AGMO: variants seen among roughly 807,000 people sequenced by gnomAD.
AGMO encodes alkylglycerol monooxygenase, also known as glyceryl-ether monooxygenase.
In AGMO, 75 loss-of-function variants were observed where a neutral mutation model predicts 60.2. That is an observed-to-expected ratio of 1.25 (90% CI 1.03 to 1.51). AGMO has a LOEUF of 1.51. AGMO is among the 40% of genes most tolerant of loss of function. The pLI is 0.00. For synonymous variants in AGMO, 261 were observed against 177.1 expected, an observed-to-expected ratio of 1.47 and a Z score of -3.76; for missense variants, 763 against 525.5, an observed-to-expected ratio of 1.45 and a Z score of -4.42.
At chr7:15,259,722 C>T (rs901492871) in intron 12 of AGMO, among the ~76,000 whole-genome samples, 6 of 151,736 alleles carry the variant, frequency 4.0e-5, no homozygotes, top group Admixed American at 2.0e-4. Flanking sequence ...AGCAGAATCC[C>T]TACAAGCTAG....
At chr7:15,548,781 G>C (rs1446774842) in intron 2 of AGMO, among the ~76,000 whole-genome samples, 1 of 152,050 alleles carries the variant, frequency 6.6e-6, no homozygotes, top group African/African-American at 2.4e-5. Flanking sequence ...ATCTAGCAAG[G>C]CAGGCCAACG....
intron 12 of AGMO, among the ~76,000 whole-genome samples, chr7:15,352,770 C>T (rs1782297199): frequency 1.3e-5 from 2 of 151,818 alleles, no homozygotes; most frequent in Admixed American, 1.3e-4. Context: ...CTCCTTAGAG[C>T]CATTATCTAG....
At chr7:15,322,585 A>AAT (rs1222016681) in intron 12 of AGMO, among the ~76,000 whole-genome samples, 4 of 28,830 alleles carry the variant, frequency 1.4e-4, no homozygotes, top group East Asian at 7.9e-4. Context: ...AATATATATA[A>AAT]ATATATAAAT....
the AGMO span, among the ~76,000 whole-genome samples, chr7:15,189,484 T>C: frequency 1.3e-5 from 2 of 152,160 alleles, no homozygotes; most frequent in Admixed American, 1.3e-4. Context: ...ATAGAACTGG[T>C]ATCTTTTAAC....
At chr7:15,513,337 A>T (rs1462335596) in intron 3 of AGMO, among the ~76,000 whole-genome samples, 3 of 152,082 alleles carry the variant, frequency 2.0e-5, no homozygotes, top group Admixed American at 2.0e-4. Context: ...GTGGATTTTG[A>T]CTATAATTAT....
intron 12 of AGMO, among the ~76,000 whole-genome samples, chr7:15,339,583 G>A (rs1781769306): frequency 6.6e-6 from 1 of 152,110 alleles, no homozygotes; most frequent in Non-Finnish European, 1.5e-5. Flanking sequence ...GAAAAATAGG[G>A]CTTGCTGCAT....
intron 12 of AGMO, among the ~76,000 whole-genome samples, chr7:15,243,951 C>G (rs867914164): frequency 5.9e-5 from 9 of 152,148 alleles, no homozygotes; most frequent in South Asian, 2.1e-4. Context: ...TGATCTTCCC[C>G]TGTATTTCCA....
chr7:15,397,327 C>T (rs1562486941), intron 5 of AGMO, among the ~76,000 whole-genome samples: 2 of 151,728 alleles, frequency 1.3e-5, no homozygotes, highest in African/African-American at 2.4e-5. Context: ...CGCAGCCGCC[C>T]GGAACCCGAG....
At chr7:15,494,627 GA>G (rs959756425) in intron 3 of AGMO, among the ~76,000 whole-genome samples, 3 of 152,044 alleles carry the variant, frequency 2.0e-5, no homozygotes, top group African/African-American at 7.2e-5. Context: ...TTTAAGTAGA[GA>G]AAAAAAAGTT....
rs142744695 is a variant in AGMO at position 15,507,158 on chromosome 7, A to G, written c.409+37614T>C. ...CTGACTTCCAAGTACAAACTGCTAC[A>G]AAAGTCAAGGACAAAGTGCTATCAG... On this transcript the variant is annotated intron_variant, in intron 3 of 12. Transcript: ENST00000342526. Among the ~76,000 whole-genome samples the G allele has an allele frequency of 6.7e-4, 102 of 152,200 alleles. 1 individual carries two copies. The highest frequency in any genetic ancestry group is 2.3e-3 in the Admixed American group (35 of 15,260).
chr7:15,536,477 T>C (rs77537187), intron 3 of AGMO, among the ~76,000 whole-genome samples: 2,217 of 152,082 alleles, frequency 0.015, 50 homozygotes, highest in African/African-American at 0.051. Context: ...CAGAAATTTG[T>C]AAATTTCAGA....
At chr7:15,118,254 C>A in the AGMO span, among the ~76,000 whole-genome samples, 103 of 151,180 alleles carry the variant, frequency 6.8e-4, no homozygotes, top group African/African-American at 2.4e-3. Flanking sequence ...ATCCAAAATT[C>A]ATTCAATGGA....
chr7:15,322,459 TATATATAAATATATAAATATATATATAA>T (rs1781140137), intron 12 of AGMO, among the ~76,000 whole-genome samples: 3 of 79,532 alleles, frequency 3.8e-5, no homozygotes, highest in East Asian at 8.1e-4. Context: ...TATATATAAA[TATATATAAATATATAAATATATATATAA>T]ATATATATAA....
intron 12 of AGMO, among the ~76,000 whole-genome samples, chr7:15,316,782 G>C (rs545097207): frequency 3.3e-5 from 5 of 152,132 alleles, no homozygotes; most frequent in Non-Finnish European, 7.4e-5. Flanking sequence ...GTATATTTCA[G>C]TGTAACTGAA....
chr7:15,508,520 G>C (rs759252422), intron 3 of AGMO, among the ~76,000 whole-genome samples: 1 of 152,134 alleles, frequency 6.6e-6, no homozygotes, highest in South Asian at 2.1e-4. Flanking sequence ...CTGTTAGGAA[G>C]TGGGTAATAA....
At chr7:15,395,094 G>A (rs1217451824) in intron 5 of AGMO, among the ~76,000 whole-genome samples, 2 of 152,138 alleles carry the variant, frequency 1.3e-5, no homozygotes, top group Non-Finnish European at 2.9e-5. Flanking sequence ...CAGATACCAA[G>A]ATATTTTACT....
chr7:15,478,162 G>A (rs1212588637), intron 3 of AGMO, among the ~76,000 whole-genome samples: 10 of 152,088 alleles, frequency 6.6e-5, no homozygotes, highest in African/African-American at 9.7e-5. Flanking sequence ...GTTAGATATC[G>A]CTGAAGCCTT....
At chr7:15,240,084 C>T (rs1782545826) in intron 12 of AGMO, among the ~76,000 whole-genome samples, 1 of 152,070 alleles carries the variant, frequency 6.6e-6, no homozygotes, top group Admixed American at 6.5e-5. Context: ...AAAAGAGAAA[C>T]ATGCTTTTTC....
chr7:15,498,456 T>C (rs955034745), intron 3 of AGMO, among the ~76,000 whole-genome samples: 7 of 152,000 alleles, frequency 4.6e-5, no homozygotes, highest in African/African-American at 1.4e-4. Context: ...AAAATGACTT[T>C]TCCATGCTAA....
Sources: gnomAD v4.1 joint callset for allele counts (sites outside exome capture counted in the v4.1 genomes callset) on GRCh38, gnomAD v4.1.1 for gene constraint, MANE v1.5 for transcripts, NCBI Gene and HGNC (gene_info 2026-07-23, HGNC 2026-07-21) for gene names.